STK3: variants seen among roughly 807,000 people sequenced by gnomAD.
The protein encoded by STK3 is serine/threonine-protein kinase 3.
In STK3, 41 loss-of-function variants were observed where a neutral mutation model predicts 58.0. The observed-to-expected ratio is 0.71, with a 90% CI of 0.55 to 0.92. STK3 has a LOEUF of 0.92. STK3 is among the 40% of genes least tolerant of loss of function. The pLI is 0.00. For synonymous variants in STK3, 170 were observed against 191.0 expected (o/e 0.89, Z 0.91); for missense variants, 479 against 602.7 (o/e 0.79, Z 2.15).
intron 1 of STK3, among the ~76,000 whole-genome samples, chr8:98,449,468 C>A (rs1029675225): frequency 6.6e-6 from 1 of 152,072 alleles, no homozygotes; most frequent in African/African-American, 2.4e-5. Context: ...GGGACCAAAG[C>A]AAATTGAGGC....
chr8:98,915,871 A>G, intron 1 of STK3, among the ~76,000 whole-genome samples: 1 of 152,036 alleles, frequency 6.6e-6, no homozygotes, highest in Admixed American at 6.6e-5. Flanking sequence ...TTTACTAGTG[A>G]CCAATATCAT....
At chr8:98,487,259 C>A (rs1822342393) in intron 10 of STK3, among the ~76,000 whole-genome samples, 1 of 152,142 alleles carries the variant, frequency 6.6e-6, no homozygotes, top group Non-Finnish European at 1.5e-5. Context: ...AAGGAGATTA[C>A]TTTGAGCTGG....
intron 6 of STK3, among the ~76,000 whole-genome samples, chr8:98,654,235 C>A (rs556472760): frequency 1.6e-3 from 250 of 152,288 alleles, no homozygotes; most frequent in African/African-American, 5.8e-3. Context: ...ACAAAAACCA[C>A]ATGATTATCT....
intron 1 of STK3, among the ~76,000 whole-genome samples, chr8:98,907,988 C>T: frequency 6.6e-6 from 1 of 152,144 alleles, no homozygotes; most frequent in East Asian, 1.9e-4. Flanking sequence ...TATCATGTTC[C>T]TCTACTCCCC....
the STK3 span, among the ~76,000 whole-genome samples, chr8:98,362,998 T>A: frequency 6.6e-6 from 1 of 152,212 alleles, no homozygotes; most frequent in African/African-American, 2.4e-5. Flanking sequence ...AGTCTCTCTC[T>A]CACACACACT....
chr8:98,809,263 A>C (rs1409760224), intron 1 of STK3, among the ~76,000 whole-genome samples: 1 of 152,236 alleles, frequency 6.6e-6, no homozygotes, highest in Non-Finnish European at 1.5e-5. Context: ...GAAGTACCAG[A>C]GGCCTGGGGC....
chr8:98,908,843 C>CAA lies in STK3; in HGVS notation c.-78-25011_-78-25010dup, dbSNP rs1187304586. Reference sequence around the variant, plus strand: ...GGGGGACAAGAGAGAGACTTCTTCTCAAAAAAAAAAAAAAAAAAAAAGAAA... The same window carrying CAA: ...GGGGGACAAGAGAGAGACTTCTTCTCAAAAAAAAAAAAAAAAAAAAAAAGAAA... On this transcript the variant is annotated intron_variant, in intron 1 of 1. Coordinates refer to the STK3 transcript ENST00000519420. 2.6e-3 allele frequency among the ~76,000 whole-genome samples: 155 copies of CAA among 60,172 alleles called. 1 individual carries two copies. The highest frequency in any genetic ancestry group is 4.7e-3 in the South Asian group (8 of 1,694). The allele number at this position is 60,172 out of a possible 152,430, so 39.5% of individuals were successfully genotyped here. A position where few individuals can be genotyped will look rare whatever the true frequency, so the allele number is the denominator to read the frequency against.
At chr8:98,858,323 T>TATATATATATATATATATATAGAG (rs1189807446) in intron 3 of STK3, among the ~76,000 whole-genome samples, 1 of 16,260 alleles carries the variant, frequency 6.2e-5, no homozygotes, top group Non-Finnish European at 1.0e-4. Context: ...TATATATATA[T>TATATATATATATATATATATAGAG]AGAGAGAGAG....
At chr8:98,899,988 T>C (rs1838594207) in intron 1 of STK3, among the ~76,000 whole-genome samples, 1 of 152,228 alleles carries the variant, frequency 6.6e-6, no homozygotes, top group South Asian at 2.1e-4. Flanking sequence ...TAATAACTGT[T>C]GGCTAGTAAT....
At chr8:98,383,775 C>T (rs547897605) in intron 1 of STK3, among the ~76,000 whole-genome samples, 1 of 152,178 alleles carries the variant, frequency 6.6e-6, no homozygotes, top group Non-Finnish European at 1.5e-5. Context: ...TAAAGTAAAA[C>T]CAACCTTACT....
chr8:98,938,302 C>T (rs1327536958), intron 1 of STK3, among the ~76,000 whole-genome samples: 8 of 152,126 alleles, frequency 5.3e-5, no homozygotes, highest in Non-Finnish European at 4.4e-5. Context: ...GGAGGCAGCT[C>T]TTTGGCCGAG....
chr8:98,437,219 G>C lies in STK3; in HGVS notation n.186-11C>G, dbSNP rs1818522470. ...CCAGTAAGGCTCTATCTAAAAGACA[G>C]AAAAGGATTTAGGAAGGAGTTGCCT... On this transcript the variant is annotated splice_polypyrimidine_tract_variant and intron_variant and non_coding_transcript_variant, in intron 1 of 3. Transcript: ENST00000517832. 2.0e-5 allele frequency: 3 copies of C among 152,266 alleles called. 1 individual carries two copies. The South Asian group carries it at 6.2e-4, about 32-fold the overall frequency. The allele number at this position is 152,266 out of a possible 1,614,324, so 9.4% of individuals were successfully genotyped here. A position where few individuals can be genotyped will look rare whatever the true frequency, so the allele number is the denominator to read the frequency against.
At chr8:98,726,383 A>G (rs1205928786) in intron 4 of STK3, among the ~76,000 whole-genome samples, 1 of 152,250 alleles carries the variant, frequency 6.6e-6, no homozygotes, top group African/African-American at 2.4e-5. Flanking sequence ...GAAAAGATGT[A>G]ATGAAGCGTG....
chr8:98,553,063 A>C (rs1046873532), intron 8 of STK3, among the ~76,000 whole-genome samples: 2 of 152,292 alleles, frequency 1.3e-5, no homozygotes, highest in African/African-American at 4.8e-5. Context: ...AGAGCCTCTA[A>C]CTCTGCCTTT....
At chr8:98,802,897 T>C (rs1477168699) in intron 1 of STK3, among the ~76,000 whole-genome samples, 1 of 152,232 alleles carries the variant, frequency 6.6e-6, no homozygotes, top group Non-Finnish European at 1.5e-5. Context: ...CATCTGTGTG[T>C]GTATGTGCGT....
chr8:98,663,497 T>C (rs1381950556), intron 6 of STK3, among the ~76,000 whole-genome samples: 1 of 152,164 alleles, frequency 6.6e-6, no homozygotes, highest in Non-Finnish European at 1.5e-5. Flanking sequence ...GAAATACCAT[T>C]TGACCCAGCC....
chr8:98,407,751 T>TGC (rs1475697100), intron 3 of STK3, among the ~76,000 whole-genome samples: 1 of 106,460 alleles, frequency 9.4e-6, no homozygotes, highest in African/African-American at 2.8e-5. Context: ...TGTGTGTGTG[T>TGC]GTGTGTGCGC....
intron 10 of STK3, among the ~76,000 whole-genome samples, chr8:98,490,518 A>G (rs938344185): frequency 2.0e-5 from 3 of 152,206 alleles, no homozygotes; most frequent in African/African-American, 7.2e-5. Flanking sequence ...GCTGCATCGT[A>G]TCAGTCTTTC....
At chr8:98,825,380 G>GCC (rs1835187326) in intron 1 of STK3, 135 bp downstream of exon 1, 2 of 742,446 alleles carry the variant, frequency 2.7e-6, no homozygotes, top group African/African-American at 3.8e-5. Flanking sequence ...ACTCGGACCC[G>GCC]CCTCCCGACC....
Sources: allele counts gnomAD v4.1 joint callset (sites outside exome capture counted in the v4.1 genomes callset), GRCh38; gene constraint gnomAD v4.1.1; transcripts MANE v1.5; gene names NCBI Gene and HGNC (gene_info 2026-07-23, HGNC 2026-07-21).